Variants in CADM2 observed in about 807,000 individuals in gnomAD.
The protein encoded by CADM2 is immunoglobulin superfamily member 4D.
Under a neutral mutation model 49.8 loss-of-function variants are expected in CADM2, and 12 were observed. The observed-to-expected ratio is 0.24, with a 90% CI of 0.15 to 0.39. The LOEUF (loss-of-function observed/expected upper bound fraction) is 0.39. CADM2 is among the 10% of genes least tolerant of loss of function. The pLI, the probability that CADM2 is intolerant of heterozygous loss-of-function variation, is 1.00. For synonymous variants in CADM2, 214 were observed against 175.4 expected (o/e 1.22, Z -1.74); for missense variants, 378 against 492.3 (o/e 0.77, Z 2.20).
At chr3:85,977,732 A>T (rs1241827048) in intron 8 of CADM2, among the ~76,000 whole-genome samples, 1 of 151,606 alleles carries the variant, frequency 6.6e-6, no homozygotes, top group Non-Finnish European at 1.5e-5. Flanking sequence ...ATCGCACTCC[A>T]GGCTTTACCC....
intron 1 of CADM2, among the ~76,000 whole-genome samples, chr3:85,079,992 C>T (rs1010662227): frequency 6.6e-5 from 10 of 151,576 alleles, no homozygotes; most frequent in Non-Finnish European, 1.5e-4. Context: ...AAGGAAAACA[C>T]AAAATAAACT....
intron 1 of CADM2, among the ~76,000 whole-genome samples, chr3:85,465,101 G>C (rs2038430617): frequency 6.6e-6 from 1 of 152,178 alleles, no homozygotes. Flanking sequence ...AGTAAGCTGA[G>C]ATCGCGCCAC....
chr3:85,658,617 T>TATAC lies in CADM2; in HGVS notation c.62-67904_62-67903insTACA, dbSNP rs1553656741. Among the ~76,000 whole-genome samples, 1,039 of 124,960 alleles carry TATAC rather than the reference T, an allele frequency of 8.3e-3. 22 individuals carry two copies. Among genetic ancestry groups the TATAC allele is most frequent in the African/African-American group, 0.017 (557 of 33,632 alleles). 82.0% of individuals were successfully genotyped at this position (124,960 alleles called of 152,430 possible). The stretch of plus-strand genomic sequence containing the variant: ...ATATATATATATATATATATATATA[T>TATAC]ACATGTATGCATATGTTTGTTTATG... On this transcript the variant is annotated intron_variant, in intron 1 of 9. Transcript: ENST00000383699.
intron 1 of CADM2, among the ~76,000 whole-genome samples, chr3:85,397,431 A>G (rs1322951226): frequency 6.6e-6 from 1 of 152,184 alleles, no homozygotes; most frequent in Non-Finnish European, 1.5e-5. Context: ...TTGTACACCT[A>G]TGTTCATAGC....
chr3:86,040,854 T>G (rs965381575), intron 8 of CADM2, among the ~76,000 whole-genome samples: 18 of 152,216 alleles, frequency 1.2e-4, no homozygotes, highest in Admixed American at 3.3e-4. Context: ...ACCCACAAAG[T>G]GAAGCCCATC....
At chr3:85,400,937 G>C (rs2107438674) in intron 1 of CADM2, among the ~76,000 whole-genome samples, 1 of 152,166 alleles carries the variant, frequency 6.6e-6, no homozygotes, top group South Asian at 2.1e-4. Context: ...TTGTATTTCT[G>C]TCATCTGACA....
intron 1 of CADM2, among the ~76,000 whole-genome samples, chr3:85,242,355 A>G (rs1433706296): frequency 6.6e-6 from 1 of 151,540 alleles, no homozygotes; most frequent in African/African-American, 2.4e-5. Context: ...ATATAAACTT[A>G]CTTTGTAAAT....
chr3:85,625,380 G>GA (rs563109375), intron 1 of CADM2, among the ~76,000 whole-genome samples: 20 of 151,608 alleles, frequency 1.3e-4, no homozygotes, highest in South Asian at 1.2e-3. Flanking sequence ...AGTGAAAAAA[G>GA]AAAAAAAGAA....
rs550984845 is a variant in CADM2, at chr3:85,944,339, C to T, written c.791+8482C>T. Among the ~76,000 whole-genome samples the T allele has an allele frequency of 2.6e-5, 4 of 152,122 alleles. No individual in the cohort carries two copies. The East Asian group carries it at 7.7e-4, about 29-fold the overall frequency. Reference sequence around the variant, plus strand: ...ATAATAATGGGAGGCTTTAACACCCCACTGTCAACATTAGACAGATCAACG... The same window carrying T: ...ATAATAATGGGAGGCTTTAACACCCTACTGTCAACATTAGACAGATCAACG... On this transcript the variant is annotated intron_variant, in intron 7 of 9. Coordinates refer to ENST00000383699, the MANE Select transcript of CADM2 (RefSeq NM_001167675.2).
chr3:85,573,681 G>A (rs1010288785), intron 1 of CADM2, among the ~76,000 whole-genome samples: 3 of 152,158 alleles, frequency 2.0e-5, no homozygotes, highest in Non-Finnish European at 2.9e-5. Context: ...AAAGTGAAGT[G>A]TTTGTGCAAT....
chr3:85,958,602 C>A (rs751928076), intron 7 of CADM2, among the ~76,000 whole-genome samples: 1 of 151,786 alleles, frequency 6.6e-6, no homozygotes, highest in South Asian at 2.1e-4. Context: ...TGCACACATA[C>A]GTTTATTGCA....
chr3:85,567,222 A>C (rs555278926), intron 1 of CADM2, among the ~76,000 whole-genome samples: 27 of 152,294 alleles, frequency 1.8e-4, no homozygotes, highest in African/African-American at 6.5e-4. Context: ...GTTGTGTGCA[A>C]ATCTCATCAG....
intron 1 of CADM2, among the ~76,000 whole-genome samples, chr3:85,624,451 G>A (rs992170337): frequency 3.3e-5 from 5 of 152,040 alleles, no homozygotes; most frequent in Admixed American, 2.0e-4. Context: ...TCCTGCCTCA[G>A]CCTCCTGAGT....
chr3:85,074,510 T>G (rs2107482133), intron 1 of CADM2, among the ~76,000 whole-genome samples: 1 of 152,290 alleles, frequency 6.6e-6, no homozygotes, highest in African/African-American at 2.4e-5. Flanking sequence ...TTGTGACAAC[T>G]TTTTATCACT....
intron 1 of CADM2, among the ~76,000 whole-genome samples, chr3:85,347,915 C>A (rs1372993590): frequency 6.6e-6 from 1 of 152,036 alleles, no homozygotes; most frequent in East Asian, 1.9e-4. Context: ...TCACGCCATT[C>A]TCCTGCCTCA....
intron 8 of CADM2, among the ~76,000 whole-genome samples, chr3:85,988,202 T>C (rs1728352392): frequency 6.6e-6 from 1 of 152,338 alleles, no homozygotes; most frequent in Non-Finnish European, 1.5e-5. Flanking sequence ...CAGATAATTG[T>C]AATATTTTAA....
At chr3:85,454,784 T>G (rs1239727530) in intron 1 of CADM2, among the ~76,000 whole-genome samples, 1 of 152,254 alleles carries the variant, frequency 6.6e-6, no homozygotes, top group Non-Finnish European at 1.5e-5. Context: ...CTATCGTTGT[T>G]GCCTTTAGGG....
At chr3:84,974,748 A>G (rs2031700828) in intron 1 of CADM2, among the ~76,000 whole-genome samples, 1 of 151,966 alleles carries the variant, frequency 6.6e-6, no homozygotes, top group Non-Finnish European at 1.5e-5. Context: ...AAACCTTCCT[A>G]AGAAGCAAGA....
In CADM2 at chr3:85,838,641, A is replaced by G. The variant is rs2074505951; in HGVS notation, c.238+36445A>G. On this transcript the variant is annotated intron_variant, in intron 3 of 9. Coordinates refer to ENST00000383699, the MANE Select transcript of CADM2 (RefSeq NM_001167675.2). Reference sequence around the variant, plus strand: ...TTTGAAATTTTAAATAGTATTTTTAAAAACCCCTTAGTGAGTTTGATATGC... The same window carrying G: ...TTTGAAATTTTAAATAGTATTTTTAGAAACCCCTTAGTGAGTTTGATATGC... Among the ~76,000 whole-genome samples the G allele has an allele frequency of 1.3e-5, 2 of 151,776 alleles. 1 individual carries two copies. Among genetic ancestry groups the G allele is most frequent in the Admixed American group, 1.3e-4 (2 of 15,166 alleles).
Sources: gnomAD v4.1 joint callset for allele counts (sites outside exome capture counted in the v4.1 genomes callset) on GRCh38, gnomAD v4.1.1 for gene constraint, MANE v1.5 for transcripts, NCBI Gene and HGNC (gene_info 2026-07-23, HGNC 2026-07-21) for gene names.